PHTF1: variants seen among roughly 807,000 people sequenced by gnomAD.
The protein encoded by PHTF1 is putative homeodomain transcription factor 1.
In PHTF1, 88 loss-of-function variants were observed where a neutral mutation model predicts 102.4. The observed-to-expected ratio is 0.86, with a 90% CI of 0.72 to 1.03. The LOEUF is 1.03. Among genes scored for constraint, PHTF1 ranks in the 50% least tolerant of loss-of-function variants. The pLI, the probability that PHTF1 is intolerant of heterozygous loss-of-function variation, is 0.00. For synonymous variants in PHTF1, 289 were observed against 305.2 expected (o/e 0.95, Z 0.55); for missense variants, 814 against 909.5 (o/e 0.89, Z 1.35).
Position 113,713,353 on chromosome 1 carries a change from G to T in PHTF1, c.709C>A (p.Gln237Lys), listed in dbSNP as rs61730007. The T allele has an allele frequency of 0.011, 17,689 of 1,611,566 alleles. 152 individuals are homozygous for T. Among genetic ancestry groups the T allele is most frequent in the South Asian group, 0.014 (1,239 of 91,026 alleles). Residue 237 changes from glutamine to lysine, a missense_variant, in exon 8 of 19, where the codon CAA becomes AAA. Gln to Lys is a moderately conservative substitution (Grantham distance 53). Coordinates refer to ENST00000369604, the MANE Select transcript of PHTF1 (RefSeq NM_001323043.2). ...CACATTCTAATCTCTGGTCGACATT[G>T]TCTCCTCTTAATGATAGGATGGACA... ...SCVHPIIKRRQCRPEIRMWQT... is the reference protein window; with the variant it reads ...SCVHPIIKRRKCRPEIRMWQT...
chr1:113,704,109 A>C lies in PHTF1; in HGVS notation c.1862T>G (p.Leu621Arg). The C allele has an allele frequency of 6.2e-7, 1 of 1,613,466 alleles. No homozygotes were observed. Among genetic ancestry groups the C allele is most frequent in the Non-Finnish European group, 8.5e-7 (1 of 1,179,382 alleles). ...AGCACAACAAATGAAAGCAATCGAA[A>C]GTGTCAGTAGGAAAACCGAGGATAC... ...VVVSSVFLLT[L>R]SIAFICCAQV... Residue 621 changes from leucine to arginine, a missense_variant, in exon 15 of 19, where the codon CTT becomes CGT. By Grantham distance (102) the Leu-to-Arg change is moderately radical. Coordinates refer to ENST00000369604, the MANE Select transcript of PHTF1 (RefSeq NM_001323043.2).
intron 5 of PHTF1, 88 bp downstream of exon 5, chr1:113,738,022 G>T: frequency 1.1e-6 from 1 of 897,610 alleles, no homozygotes; most frequent in Non-Finnish European, 1.8e-6. Flanking sequence ...AAATGAAAGG[G>T]TAAATGTAAA....
rs372754134 is a variant in PHTF1, at chr1:113,713,405, C to A, written c.657G>T (p.Gly219=). 1.3e-5 allele frequency: 21 copies of A among 1,581,182 alleles called. No individual in the cohort carries two copies. Among genetic ancestry groups the A allele is most frequent in the Non-Finnish European group, 1.7e-5 (20 of 1,151,380 alleles). ...IKRVKLISNK[G]TETDNDPSCV... The stretch of plus-strand genomic sequence containing the variant: ...AACTTGGGTCATTGTCAGTTTCAGT[C>A]CCTTTGTTAGATATTAATTTTACTC... Residue 219 remains glycine, a synonymous_variant, in exon 8 of 19, where the codon GGG becomes GGT. Coordinates refer to ENST00000369604, the MANE Select transcript of PHTF1 (RefSeq NM_001323043.2).
chr1:113,713,671 C>T, intron 7 of PHTF1: 2 of 441,726 alleles, frequency 4.5e-6, no homozygotes, highest in Non-Finnish European at 8.1e-6. Flanking sequence ...TGAAAGGAAG[C>T]ATATACTTTT....
At position 113,699,720 on chromosome 1, in the gene PHTF1, G is replaced by T; in HGVS notation, c.2126C>A (p.Ser709Tyr). 7.0e-7 allele frequency: 1 copy of T among 1,437,784 alleles called. No homozygotes were observed. The allele number at this position is 1,437,784 out of a possible 1,614,324, so 89.1% of individuals were successfully genotyped here. A position where few individuals can be genotyped will look rare whatever the true frequency, so the allele number is the denominator to read the frequency against. ...LTLVNNVLKLSTKLLKELDTP... is the reference protein window; with the variant it reads ...LTLVNNVLKLYTKLLKELDTP... ...ATGACTTACTTTCAACAACTTGGTG[G>T]ACAGCTTTAATACATTGTTTACTAG... Residue 709 changes from serine to tyrosine, a missense_variant, in exon 17 of 19, where the codon TCC becomes TAC. Physicochemically the swap from Ser to Tyr is moderately radical, Grantham distance 144 (BLOSUM62 -2). Transcript: ENST00000369604.
intron 7 of PHTF1, among the ~76,000 whole-genome samples, chr1:113,720,402 CA>C (rs955403537): frequency 2.0e-5 from 3 of 151,320 alleles, no homozygotes; most frequent in Admixed American, 6.6e-5. Context: ...GAAAAACCAA[CA>C]AAAAAAATTG....
In PHTF1 at chr1:113,706,726, A is replaced by G. The variant is rs758670713; in HGVS notation, c.1270-4T>C. 4.6e-5 allele frequency: 73 copies of G among 1,595,310 alleles called. No individual in the cohort carries two copies. The Middle Eastern group carries it at 6.7e-4, about 15-fold the overall frequency. On this transcript the variant is annotated splice_region_variant and splice_polypyrimidine_tract_variant and intron_variant, in intron 11 of 18. Coordinates refer to ENST00000369604, the MANE Select transcript of PHTF1 (RefSeq NM_001323043.2). ...TCTGAAGCCAGAATAAATGATTCTG[A>G]GAAGAAAAATATAAAATTGTTTCTA... is the stretch of plus-strand genomic sequence containing the variant.
At chr1:113,698,215 T>C in intron 18 of PHTF1, 47 bp downstream of exon 18, 6 of 1,407,840 alleles carry the variant, frequency 4.3e-6, no homozygotes, top group Non-Finnish European at 5.9e-6. Flanking sequence ...TTTCTGTACA[T>C]AGTAATTTTT....
At chr1:113,748,135 AC>A (rs1657505256) in intron 3 of PHTF1, among the ~76,000 whole-genome samples, 1 of 151,646 alleles carries the variant, frequency 6.6e-6, no homozygotes, top group African/African-American at 2.4e-5. Flanking sequence ...ACACCACTAC[AC>A]CCAGCTGATT....
chr1:113,729,531 T>G (rs1296321218), intron 5 of PHTF1, among the ~76,000 whole-genome samples: 5 of 152,018 alleles, frequency 3.3e-5, no homozygotes, highest in African/African-American at 2.4e-5. Context: ...ATATACCTAC[T>G]ATATACCCAC....
At position 113,757,769 on chromosome 1, in the gene PHTF1, T is replaced by C. The variant is rs750990515; in HGVS notation, c.46-14A>G. 1.3e-6 allele frequency: 2 copies of C among 1,543,520 alleles called. No homozygotes were observed. The highest frequency in any genetic ancestry group is 2.2e-5 in the East Asian group (1 of 44,526). The stretch of plus-strand genomic sequence containing the variant: ...GTAGGCTCCAATCTGAAAGAGGGAG[T>C]AGTCTATTAGTTAAACGATGCAAAG... On this transcript the variant is annotated splice_polypyrimidine_tract_variant and intron_variant, in intron 2 of 18. Transcript: ENST00000369604.
chr1:113,698,618 TATAC>T (rs71737879), intron 17 of PHTF1, among the ~76,000 whole-genome samples: 31,301 of 114,900 alleles, frequency 0.27, 3,423 homozygotes, highest in Non-Finnish European at 0.35. Context: ...TATATATATA[TATAC>T]ACACACACAC....
intron 15 of PHTF1, among the ~76,000 whole-genome samples, chr1:113,702,447 A>T (rs942635845): frequency 1.3e-5 from 2 of 151,982 alleles, no homozygotes; most frequent in Non-Finnish European, 2.9e-5. Context: ...GACTGTGAGG[A>T]TGGATTAAAA....
intron 3 of PHTF1, among the ~76,000 whole-genome samples, chr1:113,744,414 T>C (rs963047274): frequency 3.9e-5 from 6 of 152,212 alleles, no homozygotes; most frequent in Non-Finnish European, 7.3e-5. Flanking sequence ...TCTATTTTAT[T>C]ACAATCAAAA....
chr1:113,753,071 C>T (rs1264573587), intron 3 of PHTF1, among the ~76,000 whole-genome samples: 1 of 152,208 alleles, frequency 6.6e-6, no homozygotes, highest in African/African-American at 2.4e-5. Context: ...ATTAATATGG[C>T]ATATTACATT....
chr1:113,697,864 C>A, intron 18 of PHTF1, 139 bp from the exon 19 acceptor site: 1 of 639,512 alleles, frequency 1.6e-6, no homozygotes, highest in South Asian at 1.9e-5. Context: ...AACCATAGAA[C>A]ATCATAGAGA....
Position 113,757,762 on chromosome 1 carries a change from G to T in PHTF1, c.46-7C>A. 1 of 1,576,920 alleles carries T rather than the reference G, an allele frequency of 6.3e-7. No homozygotes were observed. The highest frequency in any genetic ancestry group is 1.1e-5 in the South Asian group (1 of 90,244). On this transcript the variant is annotated splice_region_variant and splice_polypyrimidine_tract_variant and intron_variant, in intron 2 of 18. Coordinates refer to ENST00000369604, the MANE Select transcript of PHTF1 (RefSeq NM_001323043.2). ...GCTGATCGTAGGCTCCAATCTGAAA[G>T]AGGGAGTAGTCTATTAGTTAAACGA...
At chr1:113,741,252 T>C (rs918650897) in intron 3 of PHTF1, among the ~76,000 whole-genome samples, 1 of 152,156 alleles carries the variant, frequency 6.6e-6, no homozygotes, top group East Asian at 1.9e-4. Context: ...CAACTCACCA[T>C]AAGCTGTAGA....
Position 113,727,757 on chromosome 1 carries a change from G to A in PHTF1, c.332-1183C>T, listed in dbSNP as rs559664821. ...CTGGTGGGTAGATCACTTAAGCCCA[G>A]AAATTCAAGACCAGCCTGGGCAACA... On this transcript the variant is annotated intron_variant, in intron 5 of 18. Coordinates refer to ENST00000369604, the MANE Select transcript of PHTF1 (RefSeq NM_001323043.2). Among the ~76,000 whole-genome samples the A allele has an allele frequency of 2.0e-5, 3 of 152,176 alleles. No individual in the cohort carries two copies. The South Asian group carries it at 6.2e-4, about 32-fold the overall frequency.
Sources: gnomAD v4.1 joint callset for allele counts (sites outside exome capture counted in the v4.1 genomes callset) on GRCh38, gnomAD v4.1.1 for gene constraint, MANE v1.5 for transcripts, NCBI Gene and HGNC (gene_info 2026-07-23, HGNC 2026-07-21) for gene names.